Variants in CPAP observed in about 807,000 individuals in gnomAD.
CPAP encodes the protein centrosomal P4.1-associated protein.
the CPAP span, among the ~76,000 whole-genome samples, chr13:24,913,312 T>G: frequency 6.6e-6 from 1 of 152,110 alleles, no homozygotes. Flanking sequence ...GACTTAACCA[T>G]TCAATTACTA....
chr13:24,906,346 C>G, the CPAP span: 8 of 1,612,432 alleles, frequency 5.0e-6, no homozygotes, highest in Non-Finnish European at 6.8e-6. Context: ...TTTCTCGTTC[C>G]CAAGTCTCTA....
At chr13:24,909,043 A>G in the CPAP span, among the ~76,000 whole-genome samples, 1 of 152,232 alleles carries the variant, frequency 6.6e-6, no homozygotes. Context: ...ATACACTGAC[A>G]AAGTAAATAC....
the CPAP span, among the ~76,000 whole-genome samples, chr13:24,926,677 G>GA: frequency 2.6e-5 from 4 of 151,866 alleles, no homozygotes; most frequent in Non-Finnish European, 5.9e-5. Flanking sequence ...CAATAAATTG[G>GA]AAAAAAAGAC....
the CPAP span, chr13:24,905,844 G>T: frequency 6.2e-7 from 1 of 1,614,036 alleles, no homozygotes; most frequent in Non-Finnish European, 8.5e-7. Flanking sequence ...CAGACTTGTG[G>T]GCTATCCTCT....
At chr13:24,916,454 C>T in the CPAP span, among the ~76,000 whole-genome samples, 676 of 152,202 alleles carry the variant, frequency 4.4e-3, 3 homozygotes, top group African/African-American at 0.015. Flanking sequence ...TTAAAACATG[C>T]GCATTCTCAC....
the CPAP span, chr13:24,912,050 T>C: frequency 2.5e-6 from 4 of 1,613,748 alleles, no homozygotes; most frequent in Admixed American, 1.7e-5. Flanking sequence ...TTCCTGCTTC[T>C]TCTGTTGTAC....
the CPAP span, among the ~76,000 whole-genome samples, chr13:24,913,936 T>C: frequency 1.3e-5 from 2 of 152,252 alleles, no homozygotes; most frequent in South Asian, 4.1e-4. Flanking sequence ...CCTCTGTCTG[T>C]GTCTGATTTT....
the CPAP span, among the ~76,000 whole-genome samples, chr13:24,902,328 GA>G: frequency 6.6e-6 from 1 of 152,162 alleles, no homozygotes; most frequent in Non-Finnish European, 1.5e-5. Flanking sequence ...TGTCCGTTTT[GA>G]AATAATGAAG....
the CPAP span, chr13:24,889,164 G>A: frequency 3.0e-6 from 2 of 669,722 alleles, no homozygotes; most frequent in East Asian, 5.5e-5. Flanking sequence ...GGCGGAATAA[G>A]ATGATGCACA....
the CPAP span, among the ~76,000 whole-genome samples, chr13:24,923,769 A>G: frequency 6.6e-6 from 1 of 152,168 alleles, no homozygotes; most frequent in Non-Finnish European, 1.5e-5. Context: ...CTTCAAAAAG[A>G]GTCTACTTCT....
At chr13:24,932,859 A>T in the CPAP span, 1 of 597,478 alleles carries the variant, frequency 1.7e-6, no homozygotes, top group Non-Finnish European at 3.0e-6. Context: ...ATGATATTCA[A>T]TTTTTACAAT....
the CPAP span, among the ~76,000 whole-genome samples, chr13:24,920,258 G>A: frequency 6.6e-6 from 1 of 152,170 alleles, no homozygotes; most frequent in Non-Finnish European, 1.5e-5. Flanking sequence ...GAATATAGTT[G>A]TTACAATTGT....
chr13:24,903,523 C>A, the CPAP span, among the ~76,000 whole-genome samples: 1 of 152,208 alleles, frequency 6.6e-6, no homozygotes, highest in South Asian at 2.1e-4. Flanking sequence ...GCCAGCATGG[C>A]CCGCCTTGCT....
the CPAP span, among the ~76,000 whole-genome samples, chr13:24,900,190 G>A: frequency 6.6e-6 from 1 of 152,164 alleles, no homozygotes; most frequent in Non-Finnish European, 1.5e-5. Context: ...CAGTCACAAG[G>A]GTGTCCACAC....
chr13:24,917,256 A>G, the CPAP span, among the ~76,000 whole-genome samples: 22 of 152,296 alleles, frequency 1.4e-4, 2 homozygotes, highest in South Asian at 4.6e-3. Flanking sequence ...TGTCTCAAAA[A>G]TAAATAAATA....
At chr13:24,899,652 G>C in the CPAP span, 7 of 1,251,002 alleles carry the variant, frequency 5.6e-6, no homozygotes, top group Non-Finnish European at 8.1e-6. Context: ...AGAACCTGCT[G>C]ACAGGCTAGT....
the CPAP span, among the ~76,000 whole-genome samples, chr13:24,920,643 T>TG: frequency 1.5e-5 from 2 of 137,686 alleles, no homozygotes; most frequent in African/African-American, 2.8e-5. Context: ...TTTTTTGAGA[T>TG]GGAGTCTCAC....
the CPAP span, chr13:24,885,646 G>C: frequency 6.2e-7 from 1 of 1,612,996 alleles, no homozygotes; most frequent in Non-Finnish European, 8.5e-7. Flanking sequence ...AGGAGGTGCA[G>C]ACTTGGATCT....
the CPAP span, among the ~76,000 whole-genome samples, chr13:24,923,244 GTTTTT>G: frequency 1.4e-5 from 2 of 146,464 alleles, no homozygotes; most frequent in Non-Finnish European, 3.0e-5. Flanking sequence ...TTTGGGTTTT[GTTTTT>G]TTTTTTTCTA....
Sources: gnomAD v4.1 joint callset for allele counts (sites outside exome capture counted in the v4.1 genomes callset) on GRCh38, gnomAD v4.1.1 for gene constraint, MANE v1.5 for transcripts, NCBI Gene and HGNC (gene_info 2026-07-23, HGNC 2026-07-21) for gene names.